The following TTC28 variants were observed in gnomAD, a reference collection of about 807,000 sequenced individuals.
TTC28 encodes the protein tetratricopeptide repeat domain 28.
Under a neutral mutation model 198.0 loss-of-function variants are expected in TTC28, and 61 were observed. That is an observed-to-expected ratio of 0.31 (90% CI 0.25 to 0.38). The LOEUF is 0.38. Among genes scored for constraint, TTC28 ranks in the 10% least tolerant of loss-of-function variants. The probability of loss-of-function intolerance (pLI) is 1.00; values close to 1 mark genes in which losing one functional copy is unlikely to be tolerated. For missense variants in TTC28, 2,678 were observed against 3,164.0 expected (o/e 0.85, Z 3.69); for synonymous variants, 1,171 against 1,297.8 (o/e 0.90, Z 2.10).
At chr22:28,663,062 C>A (rs1428473590) in intron 1 of TTC28, among the ~76,000 whole-genome samples, 1 of 151,910 alleles carries the variant, frequency 6.6e-6, no homozygotes, top group Non-Finnish European at 1.5e-5. Context: ...TCCTGGCTAA[C>A]ACAGTGAAAC....
intron 2 of TTC28, among the ~76,000 whole-genome samples, chr22:28,426,150 T>C (rs550395492): frequency 6.7e-6 from 1 of 148,370 alleles, no homozygotes; most frequent in African/African-American, 2.5e-5. Context: ...AGGCCGAAGT[T>C]GCAGTGAGCT....
At chr22:28,524,478 AT>A (rs1298703620) in intron 2 of TTC28, among the ~76,000 whole-genome samples, 1,682 of 150,376 alleles carry the variant, frequency 0.011, 32 homozygotes, top group African/African-American at 0.039. Flanking sequence ...AAAAAAAAAA[AT>A]ATTCAACGGT....
At chr22:28,523,846 A>C (rs530864409) in intron 2 of TTC28, among the ~76,000 whole-genome samples, 1 of 152,216 alleles carries the variant, frequency 6.6e-6, no homozygotes, top group Admixed American at 6.5e-5. Flanking sequence ...CAATAATAAT[A>C]CGTTTTATAA....
intron 5 of TTC28, among the ~76,000 whole-genome samples, chr22:28,206,389 G>T (rs74635998): frequency 6.6e-6 from 1 of 152,120 alleles, no homozygotes; most frequent in East Asian, 1.9e-4. Context: ...GAGAAATGAC[G>T]AAATATGTCC....
At chr22:28,330,189 G>C (rs530283050) in intron 2 of TTC28, among the ~76,000 whole-genome samples, 1 of 152,240 alleles carries the variant, frequency 6.6e-6, no homozygotes, top group South Asian at 2.1e-4. Flanking sequence ...ATTGAGAATC[G>C]TTTAGAAATT....
At chr22:28,458,806 G>A (rs980604965) in intron 2 of TTC28, among the ~76,000 whole-genome samples, 2 of 151,570 alleles carry the variant, frequency 1.3e-5, no homozygotes, top group Non-Finnish European at 2.9e-5. Context: ...GCTTGAACCC[G>A]GGAGGCAGAG....
At chr22:28,562,783 G>A (rs1482693253) in intron 2 of TTC28, among the ~76,000 whole-genome samples, 1 of 152,168 alleles carries the variant, frequency 6.6e-6, no homozygotes, top group Non-Finnish European at 1.5e-5. Context: ...CTTCTGACAT[G>A]AAAGTCAATT....
intron 2 of TTC28, among the ~76,000 whole-genome samples, chr22:28,338,837 C>T (rs945877024): frequency 3.9e-5 from 6 of 152,162 alleles, no homozygotes; most frequent in Non-Finnish European, 7.4e-5. Flanking sequence ...CTTCTCTCAA[C>T]TCGTCATTGA....
chr22:28,514,690 C>A (rs530854958), intron 2 of TTC28, among the ~76,000 whole-genome samples: 1 of 152,156 alleles, frequency 6.6e-6, no homozygotes, highest in African/African-American at 2.4e-5. Context: ...CATGCCTGTG[C>A]GCAGCAGAGA....
intron 5 of TTC28, among the ~76,000 whole-genome samples, chr22:28,270,970 T>G (rs1932027283): frequency 6.6e-6 from 1 of 152,348 alleles, no homozygotes; most frequent in African/African-American, 2.4e-5. Context: ...ATTCATTCAA[T>G]AGTGTATCCT....
chr22:28,047,011 C>G (rs1939892723), intron 12 of TTC28, among the ~76,000 whole-genome samples: 1 of 152,144 alleles, frequency 6.6e-6, no homozygotes, highest in East Asian at 1.9e-4. Context: ...CCACCTAGAT[C>G]AGTGGTCAGA....
At chr22:28,333,276 G>A (rs572743513) in intron 2 of TTC28, among the ~76,000 whole-genome samples, 3 of 151,994 alleles carry the variant, frequency 2.0e-5, no homozygotes, top group African/African-American at 7.2e-5. Context: ...CAAAAAGGGA[G>A]GTTAAGAAAC....
At chr22:28,118,580 A>G (rs1942702820) in intron 6 of TTC28, among the ~76,000 whole-genome samples, 2 of 152,142 alleles carry the variant, frequency 1.3e-5, no homozygotes, top group African/African-American at 4.8e-5. Context: ...ACCCTCCTAT[A>G]CAACTTTGTA....
At chr22:28,120,649 T>C (rs1470662327) in intron 6 of TTC28, among the ~76,000 whole-genome samples, 1 of 152,170 alleles carries the variant, frequency 6.6e-6, no homozygotes, top group Non-Finnish European at 1.5e-5. Flanking sequence ...GTGGACAGCA[T>C]GGTCTGCCCA....
At position 28,160,353 on chromosome 22, in the gene TTC28, G is replaced by A. The variant is rs564680196; in HGVS notation, c.1441+2739C>T. Among the ~76,000 whole-genome samples the A allele has an allele frequency of 4.3e-4, 66 of 152,184 alleles. No individual in the cohort carries two copies. The Middle Eastern group carries it at 0.014, about 31-fold the overall frequency. Reference sequence around the variant, plus strand: ...TATATGTACCTACTATGTACCCACAGAAATTTTTTTAAAAAGGTTGGGGGT... The same window carrying A: ...TATATGTACCTACTATGTACCCACAAAAATTTTTTTAAAAAGGTTGGGGGT... On this transcript the variant is annotated intron_variant, in intron 6 of 22. Coordinates refer to ENST00000397906, the MANE Select transcript of TTC28 (RefSeq NM_001145418.2).
intron 5 of TTC28, among the ~76,000 whole-genome samples, chr22:28,212,209 T>G (rs1927033122): frequency 6.6e-6 from 1 of 151,592 alleles, no homozygotes; most frequent in Non-Finnish European, 1.5e-5. Context: ...ACATCACAAT[T>G]AAAAGAACTA....
In TTC28 at chr22:28,577,627, T is replaced by G. The variant is rs536633249; in HGVS notation, c.381+51925A>C. 2.6e-5 allele frequency among the ~76,000 whole-genome samples: 4 copies of G among 152,236 alleles called. No individual in the cohort carries two copies. The East Asian group carries it at 7.7e-4, about 29-fold the overall frequency. ...TCTCTCTTCAGTTATAATATTTTCT[T>G]TATATATCTGCATGCCCCAGTGTTG... On this transcript the variant is annotated intron_variant, in intron 2 of 22. Transcript: ENST00000397906.
At chr22:28,401,381 C>T (rs539894666) in intron 2 of TTC28, among the ~76,000 whole-genome samples, 1 of 152,006 alleles carries the variant, frequency 6.6e-6, no homozygotes, top group South Asian at 2.1e-4. Flanking sequence ...TTTGGGAGAC[C>T]GACGTGGGCG....
intron 5 of TTC28, among the ~76,000 whole-genome samples, chr22:28,265,519 C>A (rs1192423779): frequency 6.6e-6 from 1 of 152,144 alleles, no homozygotes; most frequent in Non-Finnish European, 1.5e-5. Context: ...GGAGATATTG[C>A]ACGTACCGCA....
Sources: gnomAD v4.1 joint callset for allele counts (sites outside exome capture counted in the v4.1 genomes callset) on GRCh38, gnomAD v4.1.1 for gene constraint, MANE v1.5 for transcripts, NCBI Gene and HGNC (gene_info 2026-07-23, HGNC 2026-07-21) for gene names.